TADA2A: variants seen among roughly 807,000 people sequenced by gnomAD.
TADA2A encodes transcriptional adapter 2-alpha.
A neutral mutation model predicts 67.4 loss-of-function variants in TADA2A; 38 were observed. That is an observed-to-expected ratio of 0.56 (90% CI 0.44 to 0.74). TADA2A has a LOEUF of 0.74. TADA2A is among the 30% of genes least tolerant of loss of function. The pLI is 0.00. For missense variants in TADA2A, 454 were observed against 547.0 expected (o/e 0.83, Z 1.70); for synonymous variants, 192 against 181.6 (o/e 1.06, Z -0.46).
intron 3 of TADA2A, among the ~76,000 whole-genome samples, chr17:37,425,446 T>C (rs1340599009): frequency 2.0e-5 from 3 of 152,186 alleles, no homozygotes; most frequent in Admixed American, 2.0e-4. Flanking sequence ...CTATGATTAG[T>C]ATCCCCATTT....
intron 8 of TADA2A, chr17:37,454,720 CA>C: frequency 2.9e-6 from 1 of 344,738 alleles, no homozygotes; most frequent in South Asian, 3.1e-5. Flanking sequence ...TCCAGAAGGC[CA>C]TTACTGGTGC....
intron 2 of TADA2A, among the ~76,000 whole-genome samples, chr17:37,417,533 G>T (rs1385384844): frequency 6.6e-6 from 1 of 151,906 alleles, no homozygotes; most frequent in African/African-American, 2.4e-5. Flanking sequence ...GTCTACATAT[G>T]TGATTTCTTT....
chr17:37,435,829 C>G (rs149730093), intron 4 of TADA2A, among the ~76,000 whole-genome samples: 2 of 152,248 alleles, frequency 1.3e-5, no homozygotes, highest in Admixed American at 6.5e-5. Flanking sequence ...ATCCACCCAC[C>G]CAGGTCTCCC....
Position 37,468,636 on chromosome 17 carries a change from G to A in TADA2A, c.895+1111G>A, listed in dbSNP as rs190371716. Reference sequence around the variant, plus strand: ...CCCGCCTAGGCCTCTCAGAGTGCTGGGATTACAGGTGTGAGCAACTGTGCC... The same window carrying A: ...CCCGCCTAGGCCTCTCAGAGTGCTGAGATTACAGGTGTGAGCAACTGTGCC... On this transcript the variant is annotated intron_variant, in intron 12 of 15. Coordinates refer to ENST00000615182, the MANE Select transcript of TADA2A (RefSeq NM_001166105.3). 5.3e-3 allele frequency among the ~76,000 whole-genome samples: 811 copies of A among 152,036 alleles called. 2 individuals carry two copies. Among genetic ancestry groups the A allele is most frequent in the Non-Finnish European group, 8.4e-3 (569 of 67,968 alleles).
chr17:37,441,029 A>T (rs765997545), intron 6 of TADA2A, among the ~76,000 whole-genome samples: 12 of 151,344 alleles, frequency 7.9e-5, no homozygotes, highest in Non-Finnish European at 1.5e-4. Flanking sequence ...GGGTAGGCGG[A>T]GATTGCAGTG....
intron 6 of TADA2A, 27 bp downstream of exon 6, chr17:37,440,689 T>C: frequency 6.2e-7 from 1 of 1,613,420 alleles, no homozygotes; most frequent in Non-Finnish European, 8.5e-7. Context: ...CTTGATAAGA[T>C]ATACTTAGCT....
intron 10 of TADA2A, among the ~76,000 whole-genome samples, chr17:37,464,047 T>G (rs2053607117): frequency 6.6e-6 from 1 of 152,200 alleles, no homozygotes; most frequent in East Asian, 1.9e-4. Flanking sequence ...ACTAACCTAA[T>G]TACTGATTGA....
intron 4 of TADA2A, among the ~76,000 whole-genome samples, chr17:37,434,947 C>G (rs1384544924): frequency 1.3e-5 from 2 of 152,170 alleles, no homozygotes; most frequent in Non-Finnish European, 2.9e-5. Context: ...CCTTTATAGT[C>G]TTTAAGAGCT....
At chr17:37,412,001 G>A (rs555793357) in intron 2 of TADA2A, among the ~76,000 whole-genome samples, 39 of 151,592 alleles carry the variant, frequency 2.6e-4, no homozygotes, top group Admixed American at 2.5e-3. Context: ...ACGAGATCAG[G>A]AGATGGAGAC....
At chr17:37,430,874 T>C (rs965233533) in intron 4 of TADA2A, among the ~76,000 whole-genome samples, 2 of 152,212 alleles carry the variant, frequency 1.3e-5, no homozygotes, top group Non-Finnish European at 2.9e-5. Context: ...TGTGTTGTCA[T>C]ATTTACATGT....
chr17:37,413,685 T>C (rs2051949311), intron 2 of TADA2A, among the ~76,000 whole-genome samples: 1 of 152,080 alleles, frequency 6.6e-6, no homozygotes, highest in Non-Finnish European at 1.5e-5. Context: ...GTGTTGGTAT[T>C]ATAGGCATAA....
chr17:37,411,406 A>G lies in TADA2A; in HGVS notation c.25+16A>G. ...TCCTTTAGCAGTAAGTACAGTGGGA[A>G]CAAGTCTCAGGTGACTTATTATTAT... On this transcript the variant is annotated intron_variant, in intron 2 of 15. Transcript: ENST00000615182. The G allele has an allele frequency of 6.2e-7, 1 of 1,611,604 alleles. No homozygotes were observed. Among genetic ancestry groups the G allele is most frequent in the Non-Finnish European group, 8.5e-7 (1 of 1,177,900 alleles).
At chr17:37,425,211 A>G (rs2052369340) in intron 3 of TADA2A, among the ~76,000 whole-genome samples, 1 of 152,134 alleles carries the variant, frequency 6.6e-6, no homozygotes, top group South Asian at 2.1e-4. Flanking sequence ...AATTTAAAGT[A>G]TTGAAATTAC....
intron 11 of TADA2A, 158 bp downstream of exon 11, chr17:37,465,699 G>C: frequency 7.3e-7 from 1 of 1,364,466 alleles, no homozygotes; most frequent in Non-Finnish European, 9.9e-7. Flanking sequence ...GGACTATGGG[G>C]GTGGCAGAAG....
intron 10 of TADA2A, among the ~76,000 whole-genome samples, chr17:37,464,066 A>G (rs2053607646): frequency 6.6e-6 from 1 of 152,188 alleles, no homozygotes; most frequent in South Asian, 2.1e-4. Flanking sequence ...GAAACGACCC[A>G]AGTAGCAGTT....
chr17:37,423,374 A>G (rs996837649), intron 2 of TADA2A, 135 bp from the exon 3 acceptor site: 14 of 631,856 alleles, frequency 2.2e-5, no homozygotes, highest in Non-Finnish European at 3.5e-5. Flanking sequence ...TTTATTTGTA[A>G]TGAGCTCATC....
chr17:37,473,199 C>G (rs143025310), intron 14 of TADA2A, among the ~76,000 whole-genome samples: 154 of 146,536 alleles, frequency 1.1e-3, no homozygotes, highest in African/African-American at 3.8e-3. Flanking sequence ...TCTTGAACTC[C>G]TGGGCTCAAG....
At position 37,479,679 on chromosome 17, in the gene TADA2A, T is replaced by G; in HGVS notation, c.*2697T>G. The stretch of plus-strand genomic sequence containing the variant: ...AAAGTTTCTGCTGGAGTTTTATGCA[T>G]ATTTTTCTCTCTAAGTGGTGGGAAA... On this transcript the variant is annotated 3_prime_UTR_variant, in exon 16 of 16. Transcript: ENST00000615182. 6.6e-6 allele frequency: 1 copy of G among 152,236 alleles called. No homozygotes were observed. Among genetic ancestry groups the G allele is most frequent in the East Asian group, 1.9e-4 (1 of 5,204 alleles). The allele number at this position is 152,236 out of a possible 1,614,324, so 9.4% of individuals were successfully genotyped here. A position where few individuals can be genotyped will look rare whatever the true frequency, so the allele number is the denominator to read the frequency against.
At chr17:37,450,894 GA>G (rs2053213844) in intron 8 of TADA2A, among the ~76,000 whole-genome samples, 1 of 152,172 alleles carries the variant, frequency 6.6e-6, no homozygotes, top group Non-Finnish European at 1.5e-5. Flanking sequence ...TTTTATCTGG[GA>G]GAATTCCAGT....
Sources: gnomAD v4.1 joint callset for allele counts (sites outside exome capture counted in the v4.1 genomes callset) on GRCh38, gnomAD v4.1.1 for gene constraint, MANE v1.5 for transcripts, NCBI Gene and HGNC (gene_info 2026-07-23, HGNC 2026-07-21) for gene names.